PADI1: variants seen among roughly 807,000 people sequenced by gnomAD.
PADI1 encodes peptidyl arginine deiminase 1, also known as protein-arginine deiminase type-1.
PADI1 carries 65 observed loss-of-function variants against 74.8 expected under a neutral mutation model. The observed-to-expected ratio is 0.87, with a 90% CI of 0.71 to 1.07. The LOEUF is 1.07. PADI1 is among the 50% of genes least tolerant of loss of function. The pLI, the probability that PADI1 is intolerant of heterozygous loss-of-function variation, is 0.00. For synonymous variants in PADI1, 371 were observed against 336.2 expected (o/e 1.10, Z -1.13); for missense variants, 943 against 854.0 (o/e 1.10, Z -1.30).
chr1:17,240,114 G>A (rs76334144), intron 14 of PADI1: 3,293 of 311,840 alleles, frequency 0.011, 30 homozygotes, highest in Non-Finnish European at 0.014. Flanking sequence ...AGGACCTTGA[G>A]GGGCCCAGAG....
chr1:17,227,555 A>T (rs560389193), intron 6 of PADI1, among the ~76,000 whole-genome samples: 6 of 151,268 alleles, frequency 4.0e-5, no homozygotes, highest in African/African-American at 9.7e-5. Context: ...ATAAATAAAT[A>T]AATAAATAAA....
rs570682515 is a variant in PADI1 at position 17,235,625 on chromosome 1, T to C, written c.1314-1689T>C. ...CTCAGGGGCGGAGAGCCGGAGGATG[T>C]AGGCTCAGGGGCAGAGAGCTCGGAG... On this transcript the variant is annotated intron_variant, in intron 11 of 15. Coordinates refer to ENST00000375471, the MANE Select transcript of PADI1 (RefSeq NM_013358.3). 1.1e-4 allele frequency among the ~76,000 whole-genome samples: 16 copies of C among 151,654 alleles called. No homozygotes were observed. In the East Asian group the frequency reaches 2.1e-3, roughly 20 times the overall value.
chr1:17,212,407 GA>G (rs1174637659), intron 1 of PADI1, among the ~76,000 whole-genome samples: 36 of 136,966 alleles, frequency 2.6e-4, no homozygotes, highest in African/African-American at 9.4e-4. Context: ...CAGTGCCCCA[GA>G]CGACCCCCAA....
chr1:17,239,346 C>G (rs1011914105), intron 13 of PADI1, among the ~76,000 whole-genome samples: 4 of 152,316 alleles, frequency 2.6e-5, no homozygotes, highest in Non-Finnish European at 5.9e-5. Context: ...GCCTCAGTTT[C>G]CTCTTCTCTG....
chr1:17,224,709 T>C (rs2072260719), intron 4 of PADI1, among the ~76,000 whole-genome samples: 2 of 152,228 alleles, frequency 1.3e-5, no homozygotes, highest in South Asian at 4.1e-4. Flanking sequence ...TGCTGCCTTT[T>C]TTATTTTGAG....
At chr1:17,222,515 C>G in intron 2 of PADI1, 45 bp downstream of exon 2, 2 of 1,473,934 alleles carry the variant, frequency 1.4e-6, no homozygotes, top group Non-Finnish European at 1.9e-6. Context: ...TCTCTCCACC[C>G]CCATCCAAGG....
At chr1:17,223,559 C>T in intron 2 of PADI1, 62 bp from the exon 3 acceptor site, 5 of 1,359,558 alleles carry the variant, frequency 3.7e-6, no homozygotes, top group Non-Finnish European at 4.2e-6. Context: ...TGTCCCTCAT[C>T]ACCTCTGCCT....
At chr1:17,220,320 T>C (rs1344036257) in intron 1 of PADI1, among the ~76,000 whole-genome samples, 1 of 152,112 alleles carries the variant, frequency 6.6e-6, no homozygotes, top group East Asian at 1.9e-4. Context: ...AGACAGTTTT[T>C]TGATGGGGCC....
intron 6 of PADI1, among the ~76,000 whole-genome samples, chr1:17,226,922 G>A (rs1387085523): frequency 2.0e-5 from 3 of 152,030 alleles, no homozygotes; most frequent in Non-Finnish European, 2.9e-5. Flanking sequence ...GTGGCGGCAG[G>A]TGCCTGTAGT....
In PADI1 at chr1:17,224,393, C is replaced by T. The variant is rs758706628; in HGVS notation, c.373C>T (p.Arg125Cys). The T allele has an allele frequency of 9.9e-6, 16 of 1,613,788 alleles. No homozygotes were observed. The highest frequency in any genetic ancestry group is 3.3e-5 in the Admixed American group (2 of 59,992). The change falls in exon 4 of 16, where the codon CGC becomes TGC. Residue 125 changes from arginine to cysteine, a missense_variant. Arg to Cys is a radical substitution (Grantham distance 180). Transcript: ENST00000375471. ...TATTTCCCTTGAGGTTGACACAGGC[C>T]GCACAGGCAAGGTGAAGAGGAGCCA... ...VDISLEVDTGRTGKVKRSQGD... is the reference protein window; with the variant it reads ...VDISLEVDTGCTGKVKRSQGD...
At chr1:17,205,423 T>C (rs1437679292) in intron 1 of PADI1, 114 bp downstream of exon 1, 1 of 801,142 alleles carries the variant, frequency 1.2e-6, no homozygotes, top group Non-Finnish European at 2.1e-6. Flanking sequence ...TGGCAGGAGA[T>C]AGCAGAGAAG....
chr1:17,226,343 G>A (rs2072310879), intron 6 of PADI1, among the ~76,000 whole-genome samples, 185 bp downstream of exon 6: 1 of 152,180 alleles, frequency 6.6e-6, no homozygotes, highest in Non-Finnish European at 1.5e-5. Flanking sequence ...TCCATTTTAT[G>A]GAGAGGAAAA....
chr1:17,217,020 G>A lies in PADI1; in HGVS notation c.93-5270G>A, dbSNP rs540224362. ...AGACAGAAGAAAGGAGGAGAGGAGA[G>A]GGGAGGGAGGGGAGGAGAGGAGGAG... On this transcript the variant is annotated intron_variant, in intron 1 of 15. Coordinates refer to ENST00000375471, the MANE Select transcript of PADI1 (RefSeq NM_013358.3). Among the ~76,000 whole-genome samples the A allele has an allele frequency of 2.4e-3, 339 of 142,622 alleles. 2 individuals carry two copies. The highest frequency in any genetic ancestry group is 8.0e-3 in the African/African-American group (321 of 39,886). The allele number at this position is 142,622 out of a possible 152,430, so 93.6% of individuals were successfully genotyped here. A position where few individuals can be genotyped will look rare whatever the true frequency, so the allele number is the denominator to read the frequency against.
In PADI1 at chr1:17,240,673, G is replaced by A; in HGVS notation, c.1671G>A (p.Glu557=). Residue 557 remains glutamate, a synonymous_variant, in exon 15 of 16, where the codon GAG becomes GAA. Coordinates refer to ENST00000375471, the MANE Select transcript of PADI1 (RefSeq NM_013358.3). ...IDWNRNVLKR[E]LGLAESDIVD... is the part of the protein sequence containing the mutation. ...GGAACCGTAATGTGCTGAAGCGGGA[G>A]CTGGGCCTGGCAGAGAGTGACATCG... 6.2e-7 allele frequency: 1 copy of A among 1,614,188 alleles called. No individual in the cohort carries two copies. Among genetic ancestry groups the A allele is most frequent in the Non-Finnish European group, 8.5e-7 (1 of 1,180,004 alleles).
Position 17,230,197 on chromosome 1 carries a change from CG to C in PADI1, c.1043del (p.Arg348ProfsTer31). 1 of 1,613,824 alleles carries C rather than the reference CG, an allele frequency of 6.2e-7. No individual in the cohort carries two copies. Among genetic ancestry groups the C allele is most frequent in the South Asian group, 1.1e-5 (1 of 91,018 alleles). On this transcript the variant is annotated frameshift_variant, in exon 9 of 16. Coordinates refer to ENST00000375471, the MANE Select transcript of PADI1 (RefSeq NM_013358.3). LOFTEE classifies it high-confidence loss of function. ...ICPQVENRND[R>X]WIQDEMEFGY... Reference sequence around the variant, plus strand: ...CCCTCAAGTTGAAAATCGAAATGACCGCTGGATCCAGGTGGGAGCTGGGGGC... The same window carrying C: ...CCCTCAAGTTGAAAATCGAAATGACCCTGGATCCAGGTGGGAGCTGGGGGC...
chr1:17,233,412 T>C (rs11203338), intron 11 of PADI1, among the ~76,000 whole-genome samples: 56,799 of 152,086 alleles, frequency 0.37, 10,960 homozygotes, highest in African/African-American at 0.45. Context: ...CCTGAGGTCA[T>C]GAAGTTCCCA....
chr1:17,226,938 C>T (rs2072332374), intron 6 of PADI1, among the ~76,000 whole-genome samples: 1 of 151,908 alleles, frequency 6.6e-6, no homozygotes, highest in Non-Finnish European at 1.5e-5. Flanking sequence ...GTAGTCCCAG[C>T]TGCTCCGGAG....
intron 1 of PADI1, among the ~76,000 whole-genome samples, chr1:17,208,458 C>T (rs892488847): frequency 1.3e-5 from 2 of 151,334 alleles, no homozygotes; most frequent in African/African-American, 4.9e-5. Context: ...CCACCCACCC[C>T]AGTGGGCTAG....
chr1:17,237,722 A>G (rs2072680145), intron 12 of PADI1, among the ~76,000 whole-genome samples: 1 of 152,226 alleles, frequency 6.6e-6, no homozygotes, highest in Admixed American at 6.5e-5. Context: ...TATGTGCCAG[A>G]TACTCACATG....
Sources: allele counts gnomAD v4.1 joint callset (sites outside exome capture counted in the v4.1 genomes callset), GRCh38; gene constraint gnomAD v4.1.1; transcripts MANE v1.5; gene names NCBI Gene and HGNC (gene_info 2026-07-23, HGNC 2026-07-21).